The following GRID2 variants were observed in gnomAD, a reference collection of about 807,000 sequenced individuals.
The protein encoded by GRID2 is glutamate receptor ionotropic, delta-2.
A neutral mutation model predicts 114.8 loss-of-function variants in GRID2; 33 were observed. That is an observed-to-expected ratio of 0.29 (90% CI 0.22 to 0.38). The LOEUF is 0.38. Ranked by LOEUF, GRID2 falls within the 10% of genes least tolerant of loss-of-function variation. The pLI is 1.00. For synonymous variants in GRID2, 505 were observed against 449.9 expected, an observed-to-expected ratio of 1.12 and a Z score of -1.55; for missense variants, 1,184 against 1,257.7, an observed-to-expected ratio of 0.94 and a Z score of 0.89.
intron 14 of GRID2, among the ~76,000 whole-genome samples, chr4:93,656,829 CAAAAAAAAAAA>C (rs61508444): frequency 9.4e-5 from 3 of 31,902 alleles, no homozygotes; most frequent in Non-Finnish European, 5.9e-5. Context: ...GACTCTGCCT[CAAAAAAAAAAA>C]AAAAAAAAAA....
chr4:93,584,567 G>A (rs1347041553), intron 13 of GRID2, among the ~76,000 whole-genome samples: 1 of 151,930 alleles, frequency 6.6e-6, no homozygotes, highest in Non-Finnish European at 1.5e-5. Flanking sequence ...CTTTTTGTAA[G>A]AGGATACAAT....
chr4:93,350,352 T>C (rs1419154259), intron 8 of GRID2, among the ~76,000 whole-genome samples: 7 of 152,074 alleles, frequency 4.6e-5, no homozygotes, highest in Non-Finnish European at 7.4e-5. Context: ...AAGATACCAT[T>C]GCACATGTCA....
At chr4:93,114,477 A>T (rs2654450) in intron 4 of GRID2, among the ~76,000 whole-genome samples, 152,203 of 152,212 alleles carry the variant, frequency 1, 76,097 homozygotes, top group Middle Eastern at 1. Context: ...CCATTTTTTT[A>T]AGTAACTTAT....
chr4:93,579,314 A>G, intron 13 of GRID2, among the ~76,000 whole-genome samples: 1 of 152,074 alleles, frequency 6.6e-6, no homozygotes, highest in East Asian at 1.9e-4. Context: ...ACAGTACAAA[A>G]TCCAACTCTG....
chr4:93,732,343 C>T (rs1204086701), intron 14 of GRID2, among the ~76,000 whole-genome samples: 1 of 152,158 alleles, frequency 6.6e-6, no homozygotes, highest in Non-Finnish European at 1.5e-5. Flanking sequence ...TAAGTTGTAG[C>T]TTAAATCACC....
chr4:92,347,702 G>T (rs1300537724), intron 1 of GRID2, among the ~76,000 whole-genome samples: 1 of 152,052 alleles, frequency 6.6e-6, no homozygotes, highest in African/African-American at 2.4e-5. Context: ...TGAAACATTG[G>T]TATAACCTAT....
intron 14 of GRID2, among the ~76,000 whole-genome samples, chr4:93,745,026 GCTATTATATTTTTAATAGA>G (rs1183970585): frequency 1.3e-5 from 2 of 152,102 alleles, no homozygotes; most frequent in Non-Finnish European, 2.9e-5. Flanking sequence ...TAGGAATAAT[GCTATTATATTTTTAATAGA>G]CTGTGGTATA....
chr4:92,790,742 G>C (rs1295616091), intron 2 of GRID2, among the ~76,000 whole-genome samples: 1 of 146,604 alleles, frequency 6.8e-6, no homozygotes, highest in Non-Finnish European at 1.5e-5. Flanking sequence ...AAAAAAAAAA[G>C]TGTTTTTAAA....
intron 2 of GRID2, among the ~76,000 whole-genome samples, chr4:92,873,597 A>G (rs1745427733): frequency 6.6e-6 from 1 of 152,208 alleles, no homozygotes; most frequent in Non-Finnish European, 1.5e-5. Context: ...AAAGCCTTGT[A>G]TATCTAAAGC....
intron 2 of GRID2, among the ~76,000 whole-genome samples, chr4:92,609,003 A>G (rs2149226493): frequency 6.6e-6 from 1 of 151,976 alleles, no homozygotes; most frequent in South Asian, 2.1e-4. Flanking sequence ...AAAGACATAA[A>G]TAACATTAAT....
intron 8 of GRID2, among the ~76,000 whole-genome samples, chr4:93,324,575 C>T (rs951940991): frequency 1.3e-5 from 2 of 152,112 alleles, no homozygotes; most frequent in African/African-American, 4.8e-5. Context: ...AGGATTCCCT[C>T]TTTTTCTATT....
At chr4:92,702,215 ATAT>A (rs886164096) in intron 2 of GRID2, 1 of 152,166 alleles carries the variant, frequency 6.6e-6, no homozygotes, top group African/African-American at 2.4e-5. Context: ...CCTATAGATG[ATAT>A]TATCTTAAGC....
chr4:93,734,187 A>T (rs1048059325), intron 14 of GRID2, among the ~76,000 whole-genome samples: 1 of 152,052 alleles, frequency 6.6e-6, no homozygotes, highest in Non-Finnish European at 1.5e-5. Context: ...GGCTTAATAC[A>T]TATGAAAACA....
At chr4:93,293,358 AAAAT>A (rs1256190800) in intron 8 of GRID2, among the ~76,000 whole-genome samples, 1 of 152,216 alleles carries the variant, frequency 6.6e-6, no homozygotes, top group Non-Finnish European at 1.5e-5. Context: ...CTAATAAGTA[AAAAT>A]AAACTTTATG....
At chr4:93,304,127 A>G (rs750090378) in intron 8 of GRID2, among the ~76,000 whole-genome samples, 15 of 151,426 alleles carry the variant, frequency 9.9e-5, no homozygotes, top group East Asian at 1.9e-4. Context: ...GAAGAAATAC[A>G]TATCAATTAC....
At chr4:93,472,026 A>T (rs1274277727) in intron 11 of GRID2, among the ~76,000 whole-genome samples, 1 of 150,260 alleles carries the variant, frequency 6.7e-6, no homozygotes, top group Non-Finnish European at 1.5e-5. Flanking sequence ...ATTTATGCTG[A>T]TTGAAGTTAG....
chr4:93,205,610 A>G (rs1742647725), intron 4 of GRID2, among the ~76,000 whole-genome samples: 1 of 152,184 alleles, frequency 6.6e-6, no homozygotes, highest in South Asian at 2.1e-4. Flanking sequence ...TAGTGCCGCG[A>G]TAAACATACG....
chr4:93,240,200 C>G (rs2149515158), intron 8 of GRID2, among the ~76,000 whole-genome samples: 1 of 151,650 alleles, frequency 6.6e-6, no homozygotes, highest in South Asian at 2.1e-4. Context: ...TTGAACTTTA[C>G]CAGATAACAT....
chr4:93,114,877 A>G (rs1468222659), intron 4 of GRID2, among the ~76,000 whole-genome samples: 2 of 152,160 alleles, frequency 1.3e-5, no homozygotes, highest in Non-Finnish European at 2.9e-5. Context: ...GGCAGCATAT[A>G]ATTAAATATT....
Sources: gnomAD v4.1 joint callset for allele counts (sites outside exome capture counted in the v4.1 genomes callset) on GRCh38, gnomAD v4.1.1 for gene constraint, MANE v1.5 for transcripts, NCBI Gene and HGNC (gene_info 2026-07-23, HGNC 2026-07-21) for gene names.